GFRA2: variants seen among roughly 807,000 people sequenced by gnomAD.
GFRA2 encodes GDNF family receptor alpha 2.
Under a neutral mutation model 48.3 loss-of-function variants are expected in GFRA2, and 17 were observed. The observed-to-expected ratio is 0.35, with a 90% CI of 0.24 to 0.53. GFRA2 has a LOEUF of 0.53. Ranked by LOEUF, GFRA2 falls within the 20% of genes least tolerant of loss-of-function variation. The pLI is 0.93. For synonymous variants in GFRA2, 305 were observed against 257.2 expected (o/e 1.19, Z -1.78); for missense variants, 660 against 637.3 (o/e 1.04, Z -0.38).
rs1802554648 is a variant in GFRA2, at chr8:21,702,904, G to A, written c.1119C>T (p.Thr373=). Residue 373 remains threonine (T), a synonymous_variant, in exon 7 of 9, where the codon ACC becomes ACT. Coordinates refer to ENST00000524240, the MANE Select transcript of GFRA2 (RefSeq NM_001495.5). ...VSPKGPSFQA[T]QAPRVEKTPS... ...GCGTCTTCTCCACCCGAGGGGCCTG[G>A]GTGGCCTGGAACGAGGGGCCTTTTG... The A allele has an allele frequency of 1.3e-6, 2 of 1,597,892 alleles. No individual in the cohort carries two copies. Among genetic ancestry groups the A allele is most frequent in the African/African-American group, 1.4e-5 (1 of 73,910 alleles).
chr8:21,758,552 T>C (rs895666724), intron 3 of GFRA2, among the ~76,000 whole-genome samples: 1 of 152,104 alleles, frequency 6.6e-6, no homozygotes, highest in Non-Finnish European at 1.5e-5. Context: ...GATGTGGAGT[T>C]CTACTACTTA....
chr8:21,758,482 C>T (rs987469229), intron 3 of GFRA2, among the ~76,000 whole-genome samples: 9 of 152,112 alleles, frequency 5.9e-5, no homozygotes, highest in African/African-American at 1.9e-4. Flanking sequence ...GGAAACTGCC[C>T]CTCATCCCAT....
intron 4 of GFRA2, among the ~76,000 whole-genome samples, chr8:21,740,552 CT>C (rs1278954959): frequency 6.6e-6 from 1 of 152,144 alleles, no homozygotes; most frequent in East Asian, 1.9e-4. Context: ...ATTCTTTTGA[CT>C]CCTAGAATAC....
intron 6 of GFRA2, among the ~76,000 whole-genome samples, 195 bp downstream of exon 6, chr8:21,704,790 G>C (rs1802656244): frequency 2.6e-5 from 4 of 152,168 alleles, no homozygotes; most frequent in Admixed American, 2.6e-4. Flanking sequence ...GTGGTAAACT[G>C]AGGCTGGCCT....
At chr8:21,706,089 G>C (rs1312824544) in intron 4 of GFRA2, 48 bp from the exon 5 acceptor site, 1 of 1,222,572 alleles carries the variant, frequency 8.2e-7, no homozygotes, top group African/African-American at 1.5e-5. Flanking sequence ...GTTCAGTCTA[G>C]CTGCCTTCTG....
upstream of GFRA2, among the ~76,000 whole-genome samples, chr8:21,793,863 A>C (rs1807621501): frequency 1.4e-5 from 2 of 144,004 alleles, no homozygotes; most frequent in African/African-American, 5.3e-5. Context: ...CATGAGAATC[A>C]AAGTTTTTTT....
chr8:21,693,488 G>A (rs1801974580), intron 8 of GFRA2, 88 bp from the exon 9 acceptor site: 2 of 1,303,028 alleles, frequency 1.5e-6, no homozygotes, highest in Non-Finnish European at 2.1e-6. Context: ...CAGAGAAACG[G>A]ACTCAGGAAC....
chr8:21,786,785 G>A (rs907560949), intron 1 of GFRA2, among the ~76,000 whole-genome samples: 1 of 152,302 alleles, frequency 6.6e-6, no homozygotes, highest in East Asian at 1.9e-4. Context: ...CCCTATCCTA[G>A]TCTGGCGAGC....
chr8:21,697,397 G>C (rs1802262031), intron 7 of GFRA2, among the ~76,000 whole-genome samples: 2 of 152,016 alleles, frequency 1.3e-5, no homozygotes, highest in Admixed American at 6.5e-5. Context: ...CTGATTATCA[G>C]GGGACAGTGA....
chr8:21,731,422 C>CT (rs1804187876), intron 4 of GFRA2, among the ~76,000 whole-genome samples: 2 of 152,186 alleles, frequency 1.3e-5, no homozygotes, highest in Non-Finnish European at 1.5e-5. Flanking sequence ...ATGGCCAACT[C>CT]TAACTCCAAA....
chr8:21,768,832 C>G (rs1806304975), intron 3 of GFRA2, among the ~76,000 whole-genome samples: 1 of 152,132 alleles, frequency 6.6e-6, no homozygotes, highest in Non-Finnish European at 1.5e-5. Flanking sequence ...CTGGAGCACC[C>G]CAGAGAGGCC....
intron 1 of GFRA2, among the ~76,000 whole-genome samples, chr8:21,787,275 T>TGGGG (rs780776992): frequency 4.0e-5 from 3 of 75,700 alleles, no homozygotes; most frequent in East Asian, 8.5e-4. Flanking sequence ...GGGGGGGCAG[T>TGGGG]GGGGGGGGTT....
At chr8:21,806,759 T>G (rs1469085848) in intron 1 of GFRA2, among the ~76,000 whole-genome samples, 1 of 152,198 alleles carries the variant, frequency 6.6e-6, no homozygotes, top group African/African-American at 2.4e-5. Flanking sequence ...AAGCCACCAT[T>G]CCTGGCCTAA....
rs1193401449 is a variant in GFRA2 at position 21,750,526 on chromosome 8, AAC to A, written c.794+60_794+61del. ...CACCCAAGGAATGCAGAGAAAGGAA[AAC>A]ACAGCCTGGCAATGCAAGCGCCCTC... is the stretch of plus-strand genomic sequence containing the variant. On this transcript the variant is annotated intron_variant, in intron 4 of 8. Transcript: ENST00000524240. This position sits in a 1 kb window ranked among gnomAD's most constrained non-coding sequence, Gnocchi z 5.7. 2.2e-6 allele frequency: 2 copies of A among 918,952 alleles called. No homozygotes were observed. Among genetic ancestry groups the A allele is most frequent in the African/African-American group, 1.7e-5 (1 of 60,442 alleles). 56.9% of individuals were successfully genotyped at this position (918,952 alleles called of 1,614,324 possible). A position where few individuals can be genotyped will look rare whatever the true frequency, so the allele number is the denominator to read the frequency against.
intron 1 of GFRA2, among the ~76,000 whole-genome samples, chr8:21,787,398 G>A (rs1244922370): frequency 6.6e-6 from 1 of 152,118 alleles, no homozygotes. Flanking sequence ...CACCAGCCAC[G>A]GGGGTCCGCG....
chr8:21,772,139 G>C (rs1163920351), intron 3 of GFRA2, among the ~76,000 whole-genome samples: 1 of 152,158 alleles, frequency 6.6e-6, no homozygotes, highest in African/African-American at 2.4e-5. Context: ...ACTGCTCCAA[G>C]CTCATGTCCT....
At chr8:21,770,589 G>T (rs927171374) in intron 3 of GFRA2, among the ~76,000 whole-genome samples, 2 of 152,124 alleles carry the variant, frequency 1.3e-5, no homozygotes, top group Non-Finnish European at 2.9e-5. Flanking sequence ...CAGAAAGGAT[G>T]CCCCATGCCC....
At position 21,750,263 on chromosome 8, in the gene GFRA2, G is replaced by A. The variant is rs903686384; in HGVS notation, c.794+325C>T. ...AAAGGTCTCTCATTCCAAGACTCAAGGAGTCTGTGGTTTTAAATTATAAGC... is the reference window on the plus strand; with the variant it reads ...AAAGGTCTCTCATTCCAAGACTCAAAGAGTCTGTGGTTTTAAATTATAAGC... On this transcript the variant is annotated intron_variant, in intron 4 of 8. Transcript: ENST00000524240. The surrounding 1 kb of genome is among the most constrained non-coding windows in gnomAD (Gnocchi z 5.7). 6.6e-6 allele frequency among the ~76,000 whole-genome samples: 1 copy of A among 152,102 alleles called. No homozygotes were observed. Among genetic ancestry groups the A allele is most frequent in the African/African-American group, 2.4e-5 (1 of 41,414 alleles).
At chr8:21,789,313 C>G (rs1245870767), upstream of GFRA2, 3 of 152,788 alleles carry the variant, frequency 2.0e-5, no homozygotes, top group Non-Finnish European at 4.4e-5. Context: ...CAGCTCTCCC[C>G]ACCCTGGGGA....
Sources: allele counts gnomAD v4.1 joint callset (sites outside exome capture counted in the v4.1 genomes callset), GRCh38; gene constraint gnomAD v4.1.1; non-coding constraint Gnocchi (gnomAD v3.1); transcripts MANE v1.5; gene names NCBI Gene and HGNC (gene_info 2026-07-23, HGNC 2026-07-21).